Variants in GNPTAB observed in about 807,000 individuals in gnomAD.
GNPTAB encodes the protein N-acetylglucosamine-1-phosphotransferase subunits alpha/beta.
A neutral mutation model predicts 136.6 loss-of-function variants in GNPTAB; 92 were observed. The observed-to-expected ratio is 0.67, with a 90% CI of 0.57 to 0.80. GNPTAB has a LOEUF of 0.80. GNPTAB is among the 30% of genes least tolerant of loss of function. The probability of loss-of-function intolerance (pLI) is 0.00; values close to 1 mark genes in which losing one functional copy is unlikely to be tolerated. For missense variants in GNPTAB, 1,343 were observed against 1,501.8 expected (o/e 0.89, Z 1.75); for synonymous variants, 512 against 535.1 (o/e 0.96, Z 0.60).
rs762041904 is a variant in GNPTAB, at chr12:101,761,592, G to A, written c.2887C>T (p.Arg963Trp). The A allele has an allele frequency of 6.8e-6, 11 of 1,613,958 alleles. No individual in the cohort carries two copies. The highest frequency in any genetic ancestry group is 1.6e-4 in the Middle Eastern group (1 of 6,084). ...TCTTGCAGTTCTTGCATAACAATCC[G>A]GTCAATCATGTGAGGCATGTGAGCA... ...VPAHMPHMID[R>W]IVMQELQDMF... Residue 963 changes from arginine to tryptophan, a missense_variant, in exon 14 of 21, where the codon CGG (arginine) becomes TGG (tryptophan). Transcript: ENST00000299314.
chr12:101,759,806 T>C (rs1359222146), intron 16 of GNPTAB, among the ~76,000 whole-genome samples: 3 of 152,222 alleles, frequency 2.0e-5, no homozygotes, highest in South Asian at 2.1e-4. Context: ...CATCCGCTTA[T>C]GGAATATAAG....
At position 101,789,954 on chromosome 12, in the gene GNPTAB, C is replaced by T. The variant is rs867914619; in HGVS notation, c.307G>A (p.Glu103Lys). 4 of 1,613,940 alleles carry T rather than the reference C, an allele frequency of 2.5e-6. No homozygotes were observed. Among genetic ancestry groups the T allele is most frequent in the East Asian group, 2.2e-5 (1 of 44,902 alleles). ...CAGTTTTACCTCATTGCTTTCTGCT[C>T]CTCCTCCATCTGTTCTCTGACCTGC... The part of the protein sequence containing the change: ...LQQVREQMEE[E>K]QKAMREILGK... The change falls in exon 3 of 21, where the codon GAG becomes AAG. Residue 103 changes from glutamate (E) to lysine (K), a missense_variant. Physicochemically the swap from Glu to Lys is moderately conservative, Grantham distance 56. Coordinates refer to ENST00000299314, the MANE Select transcript of GNPTAB (RefSeq NM_024312.5).
At chr12:101,797,540 C>G (rs1322965508) in intron 1 of GNPTAB, among the ~76,000 whole-genome samples, 1 of 152,108 alleles carries the variant, frequency 6.6e-6, no homozygotes, top group African/African-American at 2.4e-5. Flanking sequence ...AGGAGAATTG[C>G]TTGAACCTGG....
chr12:101,777,671 C>T (rs564065608), intron 7 of GNPTAB, among the ~76,000 whole-genome samples: 113 of 152,276 alleles, frequency 7.4e-4, no homozygotes, highest in African/African-American at 2.7e-3. Flanking sequence ...TTATTTGGAG[C>T]TCATCATACA....
intron 1 of GNPTAB, among the ~76,000 whole-genome samples, chr12:101,800,401 G>C (rs1272963311): frequency 2.0e-5 from 3 of 151,828 alleles, no homozygotes; most frequent in Admixed American, 6.6e-5. Context: ...TCAATGGATA[G>C]AGAACATCAA....
chr12:101,789,486 TTTTC>T (rs1180811364), intron 3 of GNPTAB, among the ~76,000 whole-genome samples: 1 of 152,178 alleles, frequency 6.6e-6, no homozygotes, highest in African/African-American at 2.4e-5. Flanking sequence ...TTTTGTTCTC[TTTTC>T]TTTTTCTTTT....
intron 1 of GNPTAB, among the ~76,000 whole-genome samples, chr12:101,798,229 T>C (rs1869411422): frequency 6.6e-6 from 1 of 152,218 alleles, no homozygotes. Flanking sequence ...TGGTTTTCCC[T>C]CCTGTCGCCC....
intron 1 of GNPTAB, among the ~76,000 whole-genome samples, chr12:101,799,734 T>TCAC (rs372805667): frequency 6.6e-6 from 1 of 151,710 alleles, no homozygotes; most frequent in African/African-American, 2.4e-5. Flanking sequence ...AGTAAGTACT[T>TCAC]CTATTAAAGT....
intron 5 of GNPTAB, among the ~76,000 whole-genome samples, chr12:101,781,822 C>G (rs1868365083): frequency 6.6e-6 from 1 of 152,186 alleles, no homozygotes; most frequent in African/African-American, 2.4e-5. Context: ...TTTTCTCTCT[C>G]TCTTTCCATT....
At chr12:101,783,418 T>C (rs976665572) in intron 5 of GNPTAB, among the ~76,000 whole-genome samples, 2 of 152,218 alleles carry the variant, frequency 1.3e-5, no homozygotes, top group South Asian at 4.1e-4. Flanking sequence ...ACGTGAGTTC[T>C]GTGTGACCAT....
chr12:101,801,455 G>A (rs968989064), intron 1 of GNPTAB, among the ~76,000 whole-genome samples: 1 of 137,410 alleles, frequency 7.3e-6, no homozygotes, highest in African/African-American at 2.7e-5. Context: ...CGGCAGAATC[G>A]CTTGAGCCTA....
chr12:101,789,543 G>A (rs960177953), intron 3 of GNPTAB, among the ~76,000 whole-genome samples: 2 of 152,222 alleles, frequency 1.3e-5, no homozygotes, highest in Non-Finnish European at 2.9e-5. Flanking sequence ...GGAGGGCAGT[G>A]ATACAATCAC....
chr12:101,751,458 C>A (rs961421410), intron 19 of GNPTAB, among the ~76,000 whole-genome samples: 1 of 152,064 alleles, frequency 6.6e-6, no homozygotes, highest in African/African-American at 2.4e-5. Flanking sequence ...TAGCACCTGG[C>A]ACAGAGAGGC....
intron 1 of GNPTAB, among the ~76,000 whole-genome samples, chr12:101,810,869 C>G (rs926751074): frequency 3.3e-5 from 5 of 152,248 alleles, no homozygotes; most frequent in Middle Eastern, 3.4e-3. Context: ...AGCCTGTCAC[C>G]AGATGATCTG....
chr12:101,788,386 G>T (rs1429255587), intron 4 of GNPTAB, among the ~76,000 whole-genome samples, 162 bp downstream of exon 4: 1 of 152,152 alleles, frequency 6.6e-6, no homozygotes, highest in Non-Finnish European at 1.5e-5. Context: ...TATGCACTCA[G>T]CACTGCAAAA....
chr12:101,807,869 G>A (rs905718186), intron 1 of GNPTAB, among the ~76,000 whole-genome samples: 4 of 151,844 alleles, frequency 2.6e-5, no homozygotes, highest in Admixed American at 6.6e-5. Context: ...CCTGTGCAAC[G>A]GTAAGACTCT....
chr12:101,784,092 TG>T (rs980727951), intron 5 of GNPTAB, among the ~76,000 whole-genome samples: 1 of 152,194 alleles, frequency 6.6e-6, no homozygotes. Context: ...AACTGGTGAG[TG>T]GTAAGTTTTC....
chr12:101,751,360 G>T (rs997071349), intron 19 of GNPTAB, among the ~76,000 whole-genome samples: 1 of 152,112 alleles, frequency 6.6e-6, no homozygotes, highest in African/African-American at 2.4e-5. Context: ...TCAATATACT[G>T]TATCACAATT....
intron 13 of GNPTAB, among the ~76,000 whole-genome samples, chr12:101,763,233 A>C (rs578004927): frequency 6.8e-6 from 1 of 147,484 alleles, no homozygotes; most frequent in East Asian, 2.0e-4. Context: ...AAAAAAAAAA[A>C]AAAAGAAAGG....
Sources: allele counts gnomAD v4.1 joint callset (sites outside exome capture counted in the v4.1 genomes callset), GRCh38; gene constraint gnomAD v4.1.1; transcripts MANE v1.5; gene names NCBI Gene and HGNC (gene_info 2026-07-23, HGNC 2026-07-21).